ULK1: variants seen among roughly 807,000 people sequenced by gnomAD.
ULK1 encodes the protein unc-51 like autophagy activating kinase 1.
Under a neutral mutation model 117.5 loss-of-function variants are expected in ULK1, and 48 were observed. The ratio of observed to expected loss-of-function variants is 0.41; its 90% CI spans 0.32 to 0.52. The LOEUF is 0.52. Ranked by LOEUF, ULK1 falls within the 20% of genes least tolerant of loss-of-function variation. The probability of loss-of-function intolerance (pLI) is 0.29; values close to 1 mark genes in which losing one functional copy is unlikely to be tolerated. For synonymous variants in ULK1, 790 were observed against 637.8 expected (o/e 1.24, Z -3.60); for missense variants, 1,387 against 1,473.4 (o/e 0.94, Z 0.96).
chr12:131,895,948 A>G, intron 3 of ULK1, 124 bp downstream of exon 3: 2 of 1,256,282 alleles, frequency 1.6e-6, no homozygotes, highest in South Asian at 1.2e-5. Flanking sequence ...GCCCCTGGAG[A>G]CTCCACCCTG....
At position 131,895,030 on chromosome 12, in the gene ULK1, C is replaced by T. The variant is rs747258154; in HGVS notation, c.29C>T (p.Thr10Ile). Reference protein sequence around the residue: MEPGRGGTETVGKFEFSRKD... With the variant: MEPGRGGTEIVGKFEFSRKD... Reference sequence around the variant, plus strand: ...GAGCCCGGCCGCGGCGGCACAGAGACCGTGGGCAAGTTCGAGTTCTCCCGC... The same window carrying T: ...GAGCCCGGCCGCGGCGGCACAGAGATCGTGGGCAAGTTCGAGTTCTCCCGC... Residue 10 changes from threonine to isoleucine, a missense_variant, in exon 1 of 28, where the codon ACC becomes ATC. Physicochemically the swap from Thr to Ile is moderately conservative, Grantham distance 89. Around this residue, in one of 4 missense-constraint regions of ULK1, gnomAD observed 224 missense variants for 325.2 expected, o/e 0.69. Coordinates refer to ENST00000321867, the MANE Select transcript of ULK1 (RefSeq NM_003565.4). 12 of 1,572,956 alleles carry T rather than the reference C, an allele frequency of 7.6e-6. No homozygotes were observed. In the South Asian group the frequency reaches 1.4e-4, roughly 18 times the overall value.
At chr12:131,913,932 T>A in intron 15 of ULK1, 96 bp downstream of exon 15, 1 of 1,108,188 alleles carries the variant, frequency 9.0e-7, no homozygotes, top group Non-Finnish European at 1.2e-6. Context: ...AGGCCTGCTG[T>A]GTCCAGAGGC....
intron 5 of ULK1, among the ~76,000 whole-genome samples, chr12:131,907,735 G>A (rs1272134072): frequency 6.6e-6 from 1 of 152,136 alleles, no homozygotes; most frequent in African/African-American, 2.4e-5. Flanking sequence ...CAGTCCCTCC[G>A]CTGGCCTCCC....
intron 8 of ULK1, 26 bp from the exon 9 acceptor site, chr12:131,909,749 C>A (rs768060713): frequency 1.3e-6 from 2 of 1,579,802 alleles, no homozygotes; most frequent in South Asian, 1.1e-5. Context: ...GCAGCCCTGG[C>A]AGTCAGGCTG....
intron 3 of ULK1, chr12:131,906,650 G>T: frequency 1.7e-6 from 1 of 582,200 alleles, no homozygotes; most frequent in Non-Finnish European, 3.1e-6. Flanking sequence ...AGGAGCTGTT[G>T]CTCTTATGGG....
At position 131,917,562 on chromosome 12, in the gene ULK1, C is replaced by T; in HGVS notation, c.2326+8C>T. 7.1e-7 allele frequency: 1 copy of T among 1,410,940 alleles called. No individual in the cohort carries two copies. Among genetic ancestry groups the T allele is most frequent in the South Asian group, 1.7e-5 (1 of 59,504 alleles). The allele number at this position is 1,410,940 out of a possible 1,614,324, so 87.4% of individuals were successfully genotyped here. A position where few individuals can be genotyped will look rare whatever the true frequency, so the allele number is the denominator to read the frequency against. On this transcript the variant is annotated splice_region_variant and intron_variant, in intron 22 of 27. Coordinates refer to ENST00000321867, the MANE Select transcript of ULK1 (RefSeq NM_003565.4). ...GCACCAGGATGTTCTCAGGTGAGGG[C>T]TGGCTAGGCTGAAGCCCTGTCCCTT...
chr12:131,910,950 A>G, intron 12 of ULK1, 150 bp downstream of exon 12: 3 of 1,438,412 alleles, frequency 2.1e-6, no homozygotes, highest in Non-Finnish European at 2.8e-6. Context: ...CAGATGTTGA[A>G]GCCCCACAAA....
At chr12:131,895,194 C>T in intron 1 of ULK1, 82 bp downstream of exon 1, 1 of 1,094,360 alleles carries the variant, frequency 9.1e-7, no homozygotes, top group Non-Finnish European at 1.2e-6. Context: ...CCGCCTGTCC[C>T]GGGACCCCCC....
chr12:131,895,695 T>C lies in ULK1; in HGVS notation c.204+2T>C, dbSNP rs780784720. ...GGGAAGGAAATCAAAATCCTGAAGG[T>C]GAGCCAGTGCTGGGGGAGGGGGCGT... is the stretch of plus-strand genomic sequence containing the variant. On this transcript the variant is annotated splice_donor_variant, in intron 2 of 27. Transcript: ENST00000321867. LOFTEE classifies it high-confidence loss of function. 1 of 1,613,978 alleles carries C rather than the reference T, an allele frequency of 6.2e-7. No homozygotes were observed. The highest frequency in any genetic ancestry group is 2.2e-5 in the East Asian group (1 of 44,872).
Position 131,917,342 on chromosome 12 carries a change from G to A in ULK1, c.2183-69G>A, listed in dbSNP as rs1433947431. 1.6e-4 allele frequency: 206 copies of A among 1,289,900 alleles called. 3 individuals carry two copies. The highest frequency in any genetic ancestry group is 8.8e-4 in the Middle Eastern group (3 of 3,404). The allele number at this position is 1,289,900 out of a possible 1,614,324, so 79.9% of individuals were successfully genotyped here. A position where few individuals can be genotyped will look rare whatever the true frequency, so the allele number is the denominator to read the frequency against. ...AGGCCGTGGGATGGGGGTCGGGTTC[G>A]GCTCGGAGGCTGTGGGATGGGGGTC... On this transcript the variant is annotated intron_variant, in intron 21 of 27. Transcript: ENST00000321867.
At position 131,919,455 on chromosome 12, in the gene ULK1, C is replaced by G. The variant is rs1230816596; in HGVS notation, c.2685-17C>G. On this transcript the variant is annotated splice_polypyrimidine_tract_variant and intron_variant, in intron 24 of 27. Transcript: ENST00000321867. ...CCAGGACCAACCGGCCTCCTCTGAT[C>G]TGCCTGCCGCCCCCAGCTTCGCGGA... 4 of 1,606,516 alleles carry G rather than the reference C, an allele frequency of 2.5e-6. No homozygotes were observed. Among genetic ancestry groups the G allele is most frequent in the Non-Finnish European group, 2.5e-6 (3 of 1,177,316 alleles).
At chr12:131,921,047 C>A in intron 26 of ULK1, 53 bp from the exon 27 acceptor site, 1 of 1,529,284 alleles carries the variant, frequency 6.5e-7, no homozygotes. Flanking sequence ...GCAGCCCTTG[C>A]TGGGAGGGAG....
chr12:131,910,910 TCA>T, intron 12 of ULK1, 110 bp downstream of exon 12: 1 of 1,511,224 alleles, frequency 6.6e-7, no homozygotes. Flanking sequence ...TCTGTGTGAG[TCA>T]CGAAAGACAT....
intron 26 of ULK1, 161 bp from the exon 27 acceptor site, chr12:131,920,939 C>G (rs1890124103): frequency 9.7e-7 from 1 of 1,029,150 alleles, no homozygotes; most frequent in Non-Finnish European, 1.4e-6. Flanking sequence ...GCCCTGTGAC[C>G]ATCCCCTCTG....
chr12:131,895,636 C>G lies in ULK1; in HGVS notation c.147C>G (p.Asn49Lys). 1 of 1,614,074 alleles carries G rather than the reference C, an allele frequency of 6.2e-7. No homozygotes were observed. The highest frequency in any genetic ancestry group is 8.5e-7 in the Non-Finnish European group (1 of 1,180,008). The change falls in exon 2 of 28, where the codon AAC (asparagine) becomes AAG (lysine). Residue 49 changes from asparagine (N) to lysine (K), a missense_variant. Asn to Lys is a moderately conservative substitution (Grantham distance 94). Coordinates refer to ENST00000321867, the MANE Select transcript of ULK1 (RefSeq NM_003565.4). Reference protein sequence around the residue: ...HDLEVAVKCINKKNLAKSQTL... With the variant: ...HDLEVAVKCIKKKNLAKSQTL... The stretch of plus-strand genomic sequence containing the variant: ...TGGAGGTCGCCGTCAAGTGCATTAA[C>G]AAGAAGAACCTCGCCAAGTCTCAGA...
At position 131,895,029 on chromosome 12, in the gene ULK1, A is replaced by G; in HGVS notation, c.28A>G (p.Thr10Ala). 1 of 1,560,560 alleles carries G rather than the reference A, an allele frequency of 6.4e-7. No individual in the cohort carries two copies. Among genetic ancestry groups the G allele is most frequent in the Non-Finnish European group, 8.6e-7 (1 of 1,162,082 alleles). Residue 10 changes from threonine (T) to alanine (A), a missense_variant, in exon 1 of 28, where the codon ACC (threonine) becomes GCC (alanine). Physicochemically the swap from Thr to Ala is moderately conservative, Grantham distance 58. This residue lies in a region of ULK1 where 224 missense variants were observed against 325.2 expected (regional missense o/e 0.69). Coordinates refer to ENST00000321867, the MANE Select transcript of ULK1 (RefSeq NM_003565.4). MEPGRGGTETVGKFEFSRKD... is the reference protein window; with the variant it reads MEPGRGGTEAVGKFEFSRKD... ...GGAGCCCGGCCGCGGCGGCACAGAG[A>G]CCGTGGGCAAGTTCGAGTTCTCCCG...
At chr12:131,895,734 G>T in intron 2 of ULK1, 41 bp downstream of exon 2, 1 of 1,613,558 alleles carries the variant, frequency 6.2e-7, no homozygotes, top group East Asian at 2.2e-5. Flanking sequence ...CGTGGGCGTG[G>T]GCAAGCCCCC....
intron 12 of ULK1, 87 bp from the exon 13 acceptor site, chr12:131,911,855 C>T: frequency 2.5e-6 from 4 of 1,594,768 alleles, no homozygotes; most frequent in Non-Finnish European, 3.4e-6. Flanking sequence ...TTTACTGGGG[C>T]TCTGGGCCAT....
chr12:131,906,937 T>C lies in ULK1; in HGVS notation c.279+13T>C. ...CCTGGTTATGGAGGTGAGTGCCTTG[T>C]GGTGCCAGGACAAGTGCAGGCTGAT... On this transcript the variant is annotated intron_variant, in intron 4 of 27. Coordinates refer to ENST00000321867, the MANE Select transcript of ULK1 (RefSeq NM_003565.4). The C allele has an allele frequency of 6.2e-7, 1 of 1,614,024 alleles. No homozygotes were observed. The highest frequency in any genetic ancestry group is 8.5e-7 in the Non-Finnish European group (1 of 1,179,998).
Sources: gnomAD v4.1 joint callset for allele counts (sites outside exome capture counted in the v4.1 genomes callset) on GRCh38, gnomAD v4.1.1 for gene constraint, gnomAD v4.1.1 regional missense constraint, MANE v1.5 for transcripts, NCBI Gene and HGNC (gene_info 2026-07-23, HGNC 2026-07-21) for gene names.